TIAM2: variants seen among roughly 807,000 people sequenced by gnomAD.
The protein encoded by TIAM2 is TIAM Rac1 associated GEF 2.
A neutral mutation model predicts 152.9 loss-of-function variants in TIAM2; 80 were observed. The ratio of observed to expected loss-of-function variants is 0.52; its 90% confidence interval spans 0.44 to 0.63. The LOEUF (loss-of-function observed/expected upper bound fraction) is 0.63, where lower values mean the gene tolerates loss of function less well. Ranked by LOEUF, TIAM2 falls within the 30% of genes least tolerant of loss-of-function variation. The pLI, the probability that TIAM2 is intolerant of heterozygous loss-of-function variation, is 0.00. For missense variants in TIAM2, 1,965 were observed against 2,120.1 expected (o/e 0.93, Z 1.44); for synonymous variants, 804 against 838.0 (o/e 0.96, Z 0.70).
chr6:155,163,240 C>G (rs776414982), intron 7 of TIAM2, among the ~76,000 whole-genome samples: 1 of 152,180 alleles, frequency 6.6e-6, no homozygotes, highest in Non-Finnish European at 1.5e-5. Context: ...TGATTACAAG[C>G]GTTCACTTAC....
chr6:155,008,970 A>T (rs1778442144), intron 1 of TIAM2, among the ~76,000 whole-genome samples: 2 of 152,072 alleles, frequency 1.3e-5, no homozygotes, highest in Admixed American at 1.3e-4. Context: ...AGCATAATGG[A>T]AAGCACATTA....
At chr6:155,166,197 C>T (rs1022111870) in intron 9 of TIAM2, among the ~76,000 whole-genome samples, 2 of 152,106 alleles carry the variant, frequency 1.3e-5, no homozygotes, top group African/African-American at 4.8e-5. Context: ...TCACCAGCAC[C>T]AAAGGGCAGG....
intron 9 of TIAM2, among the ~76,000 whole-genome samples, chr6:155,169,773 C>T (rs1189756406): frequency 6.6e-6 from 1 of 152,164 alleles, no homozygotes; most frequent in Non-Finnish European, 1.5e-5. Flanking sequence ...CTTTTTCAAA[C>T]CCACAACATC....
intron 1 of TIAM2, among the ~76,000 whole-genome samples, chr6:155,078,122 AG>A (rs1777995057): frequency 6.6e-6 from 1 of 151,982 alleles, no homozygotes; most frequent in South Asian, 2.1e-4. Context: ...GCAGTGGTGC[AG>A]TCACGGCTCC....
At chr6:155,059,846 T>C (rs1188569787) in intron 1 of TIAM2, among the ~76,000 whole-genome samples, 1 of 152,158 alleles carries the variant, frequency 6.6e-6, no homozygotes, top group Non-Finnish European at 1.5e-5. Context: ...TAGAAGCAAG[T>C]TACCAAGTCC....
At chr6:155,177,111 G>A in intron 10 of TIAM2, 134 bp downstream of exon 10, 1 of 777,566 alleles carries the variant, frequency 1.3e-6, no homozygotes. Context: ...ATATTTATTA[G>A]TTAATATATT....
intron 4 of TIAM2, among the ~76,000 whole-genome samples, chr6:155,135,370 C>T (rs887106870): frequency 8.5e-5 from 13 of 152,162 alleles, no homozygotes; most frequent in Admixed American, 7.9e-4. Flanking sequence ...TGGTCCTTGA[C>T]CCAGTTTTCC....
chr6:155,034,474 T>TG (rs1433218245), intron 1 of TIAM2, among the ~76,000 whole-genome samples: 1 of 151,936 alleles, frequency 6.6e-6, no homozygotes, highest in Non-Finnish European at 1.5e-5. Context: ...AGGCTGGTCT[T>TG]GAAGTTCTGA....
In TIAM2 at chr6:155,029,103, A is replaced by ATATATAC. The variant is rs1470759571; in HGVS notation, c.-209+33612_-209+33613insATATACT. Among the ~76,000 whole-genome samples the ATATATAC allele has an allele frequency of 4.2e-5, 5 of 118,926 alleles. 1 individual carries two copies. The highest frequency in any genetic ancestry group is 1.6e-4 in the African/African-American group (5 of 31,286). The allele number at this position is 118,926 out of a possible 152,430, so 78.0% of individuals were successfully genotyped here. ...CTGTTATATATACACTGTATATACT[A>ATATATAC]TGTGTTATATATACACTGTATGTAC... On this transcript the variant is annotated intron_variant, in intron 1 of 26. Coordinates refer to ENST00000682666, the MANE Select transcript of TIAM2 (RefSeq NM_012454.4).
chr6:155,244,156 G>C, intron 17 of TIAM2, 77 bp downstream of exon 17: 5 of 1,331,358 alleles, frequency 3.8e-6, no homozygotes, highest in Non-Finnish European at 4.3e-6. Context: ...ACTCCTATGA[G>C]AGTATCTCTG....
chr6:155,104,033 CACA>C (rs1562316858), intron 2 of TIAM2, among the ~76,000 whole-genome samples: 42 of 108,136 alleles, frequency 3.9e-4, no homozygotes, highest in African/African-American at 1.9e-3. Flanking sequence ...TTACCTCACA[CACA>C]CACACCCCCC....
At chr6:155,179,596 C>T (rs1222935092) in intron 12 of TIAM2, 140 bp downstream of exon 12, 2 of 722,796 alleles carry the variant, frequency 2.8e-6, no homozygotes, top group Non-Finnish European at 4.5e-6. Flanking sequence ...CTTCCTTTCT[C>T]TTCCTTCATT....
chr6:155,054,509 T>C (rs1777395668), intron 1 of TIAM2, among the ~76,000 whole-genome samples: 1 of 152,166 alleles, frequency 6.6e-6, no homozygotes, highest in Admixed American at 6.5e-5. Context: ...AATTATTTGG[T>C]AGAGGCATGC....
Position 155,154,575 on chromosome 6 carries a change from G to A in TIAM2, c.2028+6241G>A, listed in dbSNP as rs191048024. On this transcript the variant is annotated intron_variant, in intron 7 of 26. Transcript: ENST00000682666. ...AAGAGTTGTAAATTAAGTCCAGTTA[G>A]TACTTTATTTGCCTTTCTGCTTATT... 5.4e-3 allele frequency among the ~76,000 whole-genome samples: 819 copies of A among 152,312 alleles called. 9 individuals carry two copies. Among genetic ancestry groups the A allele is most frequent in the African/African-American group, 0.018 (763 of 41,562 alleles).
At chr6:155,138,861 T>C (rs760553991) in intron 5 of TIAM2, among the ~76,000 whole-genome samples, 18 of 152,178 alleles carry the variant, frequency 1.2e-4, no homozygotes, top group Non-Finnish European at 2.5e-4. Flanking sequence ...CTTTTTTTTT[T>C]AAACATAAAG....
intron 1 of TIAM2, among the ~76,000 whole-genome samples, chr6:155,068,125 G>T (rs1441892726): frequency 6.6e-6 from 1 of 152,178 alleles, no homozygotes; most frequent in Non-Finnish European, 1.5e-5. Context: ...GGCTGTTGCA[G>T]TGCTGGGAAT....
chr6:155,140,880 C>T (rs1440873935), intron 5 of TIAM2, among the ~76,000 whole-genome samples: 1 of 152,114 alleles, frequency 6.6e-6, no homozygotes, highest in African/African-American at 2.4e-5. Flanking sequence ...GAAAGATGCT[C>T]CCTTTTTGAT....
chr6:155,032,880 G>C (rs1776851806), intron 1 of TIAM2, among the ~76,000 whole-genome samples: 1 of 152,078 alleles, frequency 6.6e-6, no homozygotes, highest in Admixed American at 6.6e-5. Flanking sequence ...TGTATATAGA[G>C]CAAAGGAATA....
At chr6:155,017,883 C>T (rs1394299941) in intron 1 of TIAM2, among the ~76,000 whole-genome samples, 1 of 152,092 alleles carries the variant, frequency 6.6e-6, no homozygotes, top group African/African-American at 2.4e-5. Context: ...ACCCATGTCT[C>T]CAGATCTGTA....
Sources: gnomAD v4.1 joint callset for allele counts (sites outside exome capture counted in the v4.1 genomes callset) on GRCh38, gnomAD v4.1.1 for gene constraint, MANE v1.5 for transcripts, NCBI Gene and HGNC (gene_info 2026-07-23, HGNC 2026-07-21) for gene names.